CDC73: variants seen among roughly 807,000 people sequenced by gnomAD.
CDC73 encodes parafibromin.
A neutral mutation model predicts 83.7 loss-of-function variants in CDC73; 21 were observed. That is an observed-to-expected ratio of 0.25 (90% CI 0.18 to 0.36). The LOEUF is 0.36. Ranked by LOEUF, CDC73 falls within the 10% of genes least tolerant of loss-of-function variation. The pLI is 1.00. For missense variants in CDC73, 342 were observed against 653.3 expected (o/e 0.52, Z 5.19); for synonymous variants, 224 against 212.9 (o/e 1.05, Z -0.45).
chr1:193,166,136 G>A (rs973825193), intron 10 of CDC73, among the ~76,000 whole-genome samples: 1 of 152,038 alleles, frequency 6.6e-6, no homozygotes, highest in Non-Finnish European at 1.5e-5. Context: ...AAGTAATATA[G>A]CAGGAGTTTG....
intron 10 of CDC73, among the ~76,000 whole-genome samples, chr1:193,197,093 T>G (rs971831753): frequency 6.6e-6 from 1 of 152,214 alleles, no homozygotes. Flanking sequence ...ATCTTTATTA[T>G]GTGGAGGACA....
chr1:193,161,562 CAT>C (rs1053631002), intron 10 of CDC73, among the ~76,000 whole-genome samples: 6 of 122,098 alleles, frequency 4.9e-5, no homozygotes, highest in Non-Finnish European at 6.5e-5. Flanking sequence ...TATACACACG[CAT>C]ATATATATTA....
intron 8 of CDC73, among the ~76,000 whole-genome samples, chr1:193,149,525 T>C (rs1676068261): frequency 6.6e-6 from 1 of 152,200 alleles, no homozygotes; most frequent in Non-Finnish European, 1.5e-5. Flanking sequence ...TGATTATTCT[T>C]TCTGTATATT....
At chr1:193,153,976 T>G (rs1676164248) in intron 10 of CDC73, among the ~76,000 whole-genome samples, 1 of 152,170 alleles carries the variant, frequency 6.6e-6, no homozygotes, top group African/African-American at 2.4e-5. Flanking sequence ...TGCTAGAGTT[T>G]GGAGAACTAA....
chr1:193,137,194 A>G (rs1675816888), intron 5 of CDC73, among the ~76,000 whole-genome samples: 1 of 152,256 alleles, frequency 6.6e-6, no homozygotes, highest in African/African-American at 2.4e-5. Flanking sequence ...AATCTGGGCT[A>G]TATCTTTATT....
At chr1:193,217,954 A>G (rs1405193560) in intron 13 of CDC73, among the ~76,000 whole-genome samples, 1 of 152,244 alleles carries the variant, frequency 6.6e-6, no homozygotes, top group Admixed American at 6.5e-5. Flanking sequence ...GCATCCAAAT[A>G]GAGATGCCTT....
At chr1:193,240,494 T>A (rs1288307861) in intron 15 of CDC73, among the ~76,000 whole-genome samples, 1 of 152,214 alleles carries the variant, frequency 6.6e-6, no homozygotes, top group Non-Finnish European at 1.5e-5. Flanking sequence ...AGGAGTTCCC[T>A]TTTCTCTGCA....
intron 13 of CDC73, among the ~76,000 whole-genome samples, chr1:193,221,145 T>G (rs762537970): frequency 1.7e-4 from 26 of 152,088 alleles, no homozygotes; most frequent in Non-Finnish European, 3.4e-4. Context: ...GAGTACTAAG[T>G]AAATAAAGAA....
At chr1:193,204,283 A>T in intron 11 of CDC73, among the ~76,000 whole-genome samples, 1 of 132,058 alleles carries the variant, frequency 7.6e-6, no homozygotes, top group Admixed American at 7.4e-5. Flanking sequence ...GTGTGTATAT[A>T]TATATTTTTT....
chr1:193,176,701 A>C (rs1400393786), intron 10 of CDC73, among the ~76,000 whole-genome samples: 1 of 152,196 alleles, frequency 6.6e-6, no homozygotes, highest in Non-Finnish European at 1.5e-5. Context: ...TCTCATAGTG[A>C]AATTTCCTAG....
At chr1:193,147,830 T>C in intron 7 of CDC73, 37 bp from the exon 8 acceptor site, 1 of 1,153,172 alleles carries the variant, frequency 8.7e-7, no homozygotes, top group Non-Finnish European at 1.3e-6. Flanking sequence ...TATTGTATAT[T>C]TAAAGTGGGC....
chr1:193,168,247 A>G (rs1049724684), intron 10 of CDC73, among the ~76,000 whole-genome samples: 2 of 152,136 alleles, frequency 1.3e-5, no homozygotes, highest in African/African-American at 4.8e-5. Context: ...TAAAATTCAG[A>G]TGTCCTTATG....
intron 11 of CDC73, among the ~76,000 whole-genome samples, chr1:193,206,559 A>G (rs139091453): frequency 1.3e-5 from 2 of 152,332 alleles, no homozygotes; most frequent in African/African-American, 4.8e-5. Context: ...CCAGTTTTGA[A>G]GGGATATTGT....
intron 7 of CDC73, among the ~76,000 whole-genome samples, chr1:193,142,977 T>C (rs1675932320): frequency 6.6e-6 from 1 of 152,226 alleles, no homozygotes; most frequent in Non-Finnish European, 1.5e-5. Context: ...TTGTTAATAA[T>C]GATGATCTAG....
intron 10 of CDC73, among the ~76,000 whole-genome samples, chr1:193,164,912 A>G (rs1437616557): frequency 1.3e-5 from 2 of 152,236 alleles, no homozygotes; most frequent in African/African-American, 4.8e-5. Flanking sequence ...AGATATCCAA[A>G]GGATCTGATT....
chr1:193,220,806 A>G (rs1252562666), intron 13 of CDC73, among the ~76,000 whole-genome samples: 2 of 152,174 alleles, frequency 1.3e-5, no homozygotes, highest in Non-Finnish European at 2.9e-5. Context: ...TTCCTCAAGT[A>G]ATTTACAATT....
At chr1:193,135,369 G>A (rs753791966) in intron 3 of CDC73, 22 bp from the exon 4 acceptor site, 17 of 1,592,444 alleles carry the variant, frequency 1.1e-5, no homozygotes, top group African/African-American at 4.0e-5. Flanking sequence ...TAATCCTTAC[G>A]TGAATCTTTT....
chr1:193,167,317 A>G (rs1341901211), intron 10 of CDC73, among the ~76,000 whole-genome samples: 14 of 152,128 alleles, frequency 9.2e-5, no homozygotes, highest in Admixed American at 7.9e-4. Context: ...TAGTTTTTTT[A>G]TGTAGGCTAC....
chr1:193,145,949 T>C (rs1675993140), intron 7 of CDC73, among the ~76,000 whole-genome samples: 1 of 152,136 alleles, frequency 6.6e-6, no homozygotes, highest in South Asian at 2.1e-4. Context: ...AAGCGGTAAT[T>C]ATTACGTACA....
Sources: gnomAD v4.1 joint callset for allele counts (sites outside exome capture counted in the v4.1 genomes callset) on GRCh38, gnomAD v4.1.1 for gene constraint, MANE v1.5 for transcripts, NCBI Gene and HGNC (gene_info 2026-07-23, HGNC 2026-07-21) for gene names.